The following SCMH1 variants were observed in gnomAD, a reference collection of about 807,000 sequenced individuals.
SCMH1 encodes the protein polycomb protein SCMH1.
A neutral mutation model predicts 70.8 loss-of-function variants in SCMH1; 37 were observed. The ratio of observed to expected loss-of-function variants is 0.52; its 90% CI spans 0.40 to 0.69. The LOEUF is 0.69. Ranked by LOEUF, SCMH1 falls within the 30% of genes least tolerant of loss-of-function variation. SCMH1 has a pLI of 0.00. For synonymous variants in SCMH1, 292 were observed against 307.4 expected (o/e 0.95, Z 0.52); for missense variants, 607 against 827.3 (o/e 0.73, Z 3.27).
exon 11 of SCMH1, chr1:41,048,747 G>C (rs138961580): frequency 1.6e-5 from 26 of 1,614,162 alleles, no homozygotes; most frequent in Non-Finnish European, 2.0e-5. Flanking sequence ...GTTTTCTGGT[G>C]ATAAGCACAG....
chr1:41,080,025 T>C (rs907834609), intron 8 of SCMH1, among the ~76,000 whole-genome samples: 4 of 152,170 alleles, frequency 2.6e-5, no homozygotes, highest in Non-Finnish European at 5.9e-5. Context: ...GATATTTCTG[T>C]GGGTACTATT....
At chr1:41,048,861 T>C (rs1647150974) in exon 11 of SCMH1, 1 of 1,613,970 alleles carries the variant, frequency 6.2e-7, no homozygotes, top group Non-Finnish European at 8.5e-7. Context: ...TGGGGGCCTG[T>C]GCTGCCATTC....
At chr1:41,179,981 C>A (rs1340637158) in intron 2 of SCMH1, among the ~76,000 whole-genome samples, 3 of 152,184 alleles carry the variant, frequency 2.0e-5, no homozygotes, top group African/African-American at 2.4e-5. Context: ...CACTGGCAAA[C>A]CGAATCCAGC....
intron 1 of SCMH1, among the ~76,000 whole-genome samples, chr1:41,205,090 T>A (rs1055223608): frequency 2.6e-5 from 4 of 152,210 alleles, no homozygotes; most frequent in African/African-American, 7.2e-5. Flanking sequence ...GATGGCTGAA[T>A]AGGAACAGCT....
chr1:41,133,561 G>C (rs1642739504), intron 6 of SCMH1, among the ~76,000 whole-genome samples: 1 of 152,080 alleles, frequency 6.6e-6, no homozygotes, highest in African/African-American at 2.4e-5. Context: ...AAGAAGAAAA[G>C]AGAGAAGAAT....
At chr1:41,119,155 T>C (rs998425115) in intron 6 of SCMH1, among the ~76,000 whole-genome samples, 1 of 152,062 alleles carries the variant, frequency 6.6e-6, no homozygotes, top group African/African-American at 2.4e-5. Flanking sequence ...ATGGGTAAAA[T>C]GAAAAGGGAA....
intron 1 of SCMH1, among the ~76,000 whole-genome samples, chr1:41,193,371 G>GT (rs796379566): frequency 5.3e-5 from 8 of 152,278 alleles, no homozygotes; most frequent in African/African-American, 1.7e-4. Flanking sequence ...ACAAATAAGT[G>GT]TAAGTCCCTG....
At chr1:41,233,076 T>TA (rs1163120406) in intron 1 of SCMH1, among the ~76,000 whole-genome samples, 1 of 152,170 alleles carries the variant, frequency 6.6e-6, no homozygotes, top group Non-Finnish European at 1.5e-5. Context: ...ACCTAATAGT[T>TA]ACAGAACTTG....
chr1:41,224,088 T>C (rs1659800816), intron 1 of SCMH1, among the ~76,000 whole-genome samples: 1 of 152,174 alleles, frequency 6.6e-6, no homozygotes, highest in Admixed American at 6.5e-5. Context: ...ACTCCTTCCA[T>C]CTGGATCGCC....
intron 6 of SCMH1, among the ~76,000 whole-genome samples, chr1:41,129,940 C>A (rs1452030830): frequency 1.3e-5 from 2 of 152,160 alleles, no homozygotes; most frequent in African/African-American, 4.8e-5. Flanking sequence ...TCCCATTTTA[C>A]ATTCCTACCA....
At chr1:41,056,785 A>G (rs1267340009) in intron 10 of SCMH1, among the ~76,000 whole-genome samples, 1 of 152,232 alleles carries the variant, frequency 6.6e-6, no homozygotes. Flanking sequence ...AGGGAGTCCC[A>G]GTCACTGGGG....
At chr1:41,033,403 C>T (rs1447152462) in intron 13 of SCMH1, among the ~76,000 whole-genome samples, 2 of 152,044 alleles carry the variant, frequency 1.3e-5, no homozygotes, top group Non-Finnish European at 2.9e-5. Context: ...CTATAAAGAA[C>T]CCCCACCATT....
At chr1:41,175,552 G>A (rs1270467119) in intron 2 of SCMH1, among the ~76,000 whole-genome samples, 2 of 152,116 alleles carry the variant, frequency 1.3e-5, no homozygotes, top group Non-Finnish European at 2.9e-5. Context: ...CTGTTTTGGG[G>A]GAGAACCCTA....
At chr1:41,077,329 C>T (rs146921980) in intron 8 of SCMH1, among the ~76,000 whole-genome samples, 100 of 152,182 alleles carry the variant, frequency 6.6e-4, no homozygotes, top group Admixed American at 9.8e-4. Context: ...AGAGCTGCTG[C>T]GACAAACTGG....
At chr1:41,040,663 G>A (rs551911569) in intron 12 of SCMH1, among the ~76,000 whole-genome samples, 6 of 152,054 alleles carry the variant, frequency 3.9e-5, no homozygotes, top group African/African-American at 1.2e-4. Flanking sequence ...TTGAGAGTTC[G>A]AGATCAGCCT....
chr1:41,238,673 A>C (rs941001887), intron 1 of SCMH1, among the ~76,000 whole-genome samples: 1 of 152,094 alleles, frequency 6.6e-6, no homozygotes, highest in Admixed American at 6.6e-5. Flanking sequence ...TCCTTGTCAT[A>C]CTCAGCTTTA....
chr1:41,226,013 C>G (rs534223334), intron 1 of SCMH1, among the ~76,000 whole-genome samples: 1 of 152,314 alleles, frequency 6.6e-6, no homozygotes, highest in Admixed American at 6.5e-5. Context: ...TATCCCTGCA[C>G]AGAAACCTTA....
chr1:41,064,620 A>G (rs1466783475), intron 10 of SCMH1, among the ~76,000 whole-genome samples: 1 of 152,216 alleles, frequency 6.6e-6, no homozygotes, highest in East Asian at 1.9e-4. Flanking sequence ...TTTAAAATTA[A>G]AAAACACCAT....
chr1:41,203,039 A>C (rs926495400), intron 1 of SCMH1, among the ~76,000 whole-genome samples: 6 of 152,084 alleles, frequency 3.9e-5, no homozygotes, highest in Non-Finnish European at 7.4e-5. Flanking sequence ...AAAAAGAAAC[A>C]AGTGAAAAAT....
Sources: gnomAD v4.1 joint callset for allele counts (sites outside exome capture counted in the v4.1 genomes callset) on GRCh38, gnomAD v4.1.1 for gene constraint, MANE v1.5 for transcripts, NCBI Gene and HGNC (gene_info 2026-07-23, HGNC 2026-07-21) for gene names.